Variants in WTAP observed in about 807,000 individuals in gnomAD.
WTAP encodes the protein WT1 associated protein, also known as pre-mRNA-splicing regulator WTAP.
WTAP carries 8 observed loss-of-function variants against 50.0 expected under a neutral mutation model. The observed-to-expected ratio is 0.16, with a 90% confidence interval of 0.09 to 0.29. WTAP has a LOEUF of 0.29. Ranked by LOEUF, WTAP falls within the 10% of genes least tolerant of loss-of-function variation. WTAP has a pLI of 1.00. For synonymous variants in WTAP, 194 were observed against 169.0 expected, an observed-to-expected ratio of 1.15 and a Z score of -1.15; for missense variants, 295 against 470.7, an observed-to-expected ratio of 0.63 and a Z score of 3.45.
rs559907022 is a variant in WTAP, at chr6:159,751,920, G to C, written c.453-1540G>C. ...CTACTAAAAATCCAAAATTAGCTGG[G>C]GGTGCTCGTGCACACCTATAGTCCC... On this transcript the variant is annotated intron_variant, in intron 6 of 7. Coordinates refer to ENST00000621533, the MANE Select transcript of WTAP (RefSeq NM_001270531.2). Among the ~76,000 whole-genome samples the C allele has an allele frequency of 1.7e-4, 26 of 152,042 alleles. No homozygotes were observed. The East Asian group carries it at 1.9e-3, about 11-fold the overall frequency.
intron 5 of WTAP, among the ~76,000 whole-genome samples, chr6:159,745,619 A>G (rs1391309773): frequency 6.6e-6 from 1 of 152,156 alleles, no homozygotes; most frequent in Non-Finnish European, 1.5e-5. Flanking sequence ...GTGAAAAAAG[A>G]TGAGGTCAGC....
chr6:159,755,627 T>C lies in WTAP; in HGVS notation c.*16T>C, dbSNP rs775298417. ...AGTTTTGTAATATTTTTTCAGCAAA[T>C]TTTTATACAGTGTCATTTAATTTGG... On this transcript the variant is annotated 3_prime_UTR_variant, in exon 8 of 8. Transcript: ENST00000621533. 3.2e-6 allele frequency: 5 copies of C among 1,570,636 alleles called. No individual in the cohort carries two copies. Among genetic ancestry groups the C allele is most frequent in the Middle Eastern group, 3.4e-4 (2 of 5,818 alleles).
At chr6:159,749,716 A>G (rs1779753970) in intron 6 of WTAP, among the ~76,000 whole-genome samples, 1 of 152,190 alleles carries the variant, frequency 6.6e-6, no homozygotes, top group African/African-American at 2.4e-5. Flanking sequence ...ATGTGTTGGA[A>G]CTGTGGGCTG....
chr6:159,743,061 TG>T (rs1278394418), intron 4 of WTAP, among the ~76,000 whole-genome samples: 2 of 152,370 alleles, frequency 1.3e-5, no homozygotes, highest in Non-Finnish European at 2.9e-5. Context: ...TTTATTTGTT[TG>T]TTTGAGACAG....
Position 159,755,698 on chromosome 6 carries a change from T to TG in WTAP, c.*88dup, listed in dbSNP as rs1779976777. The TG allele has an allele frequency of 1.5e-6, 2 of 1,309,888 alleles. No individual in the cohort carries two copies. Among genetic ancestry groups the TG allele is most frequent in the Non-Finnish European group, 1.9e-6 (2 of 1,031,246 alleles). The allele number at this position is 1,309,888 out of a possible 1,614,324, so 81.1% of individuals were successfully genotyped here. A position where few individuals can be genotyped will look rare whatever the true frequency, so the allele number is the denominator to read the frequency against. On this transcript the variant is annotated 3_prime_UTR_variant, in exon 8 of 8. Coordinates refer to ENST00000621533, the MANE Select transcript of WTAP (RefSeq NM_001270531.2). ...ATTAATGCATACTTTTGTCACAATT[T>TG]GCCTTTTTGTGGGTGTACGTTTTGG...
At chr6:159,750,797 T>C (rs1307281082) in intron 6 of WTAP, among the ~76,000 whole-genome samples, 1 of 152,224 alleles carries the variant, frequency 6.6e-6, no homozygotes, top group East Asian at 1.9e-4. Context: ...GTATATCAGG[T>C]ACTATAAATA....
chr6:159,754,919 T>G, intron 7 of WTAP, 109 bp from the exon 8 acceptor site: 1 of 1,157,700 alleles, frequency 8.6e-7, no homozygotes, highest in Non-Finnish European at 1.2e-6. Flanking sequence ...TAGAATTGTA[T>G]TTGTTTACTT....
chr6:159,726,779 C>T (rs1289056475), upstream of WTAP: 3 of 1,288,902 alleles, frequency 2.3e-6, no homozygotes, highest in East Asian at 1.7e-4. Flanking sequence ...GAGGAACGAA[C>T]CCAGCGGCCA....
chr6:159,740,148 AT>A (rs957227777), intron 3 of WTAP, among the ~76,000 whole-genome samples: 6 of 146,838 alleles, frequency 4.1e-5, no homozygotes, highest in African/African-American at 5.0e-5. Flanking sequence ...CCTGGCCATG[AT>A]TTTTTTTTTC....
intron 7 of WTAP, among the ~76,000 whole-genome samples, chr6:159,754,270 C>T (rs1028311242): frequency 6.6e-6 from 1 of 152,178 alleles, no homozygotes; most frequent in Admixed American, 6.5e-5. Context: ...TCAAAATCTT[C>T]AGGAATTATT....
chr6:159,738,068 C>T (rs1273636782), intron 2 of WTAP, among the ~76,000 whole-genome samples: 2 of 152,194 alleles, frequency 1.3e-5, no homozygotes, highest in African/African-American at 4.8e-5. Context: ...GTACAATCCA[C>T]AGAGCTTATT....
rs77418684 is a variant in WTAP, at chr6:159,738,259, C to T, written c.31-731C>T. Among the ~76,000 whole-genome samples the T allele has an allele frequency of 5.2e-3, 788 of 152,338 alleles. 5 individuals are homozygous for T. The highest frequency in any genetic ancestry group is 0.018 in the African/African-American group (746 of 41,572). On this transcript the variant is annotated intron_variant, in intron 2 of 7. Coordinates refer to ENST00000621533, the MANE Select transcript of WTAP (RefSeq NM_001270531.2). ...CTACCCCGTCCCTCTCCATGCCTGA[C>T]CCCTGGCAACCACTAATTTATCTCC... is the stretch of plus-strand genomic sequence containing the variant.
chr6:159,738,289 G>C (rs1358049702), intron 2 of WTAP, among the ~76,000 whole-genome samples: 1 of 152,130 alleles, frequency 6.6e-6, no homozygotes, highest in Non-Finnish European at 1.5e-5. Context: ...ATCTCCATTT[G>C]TATAATTGTT....
At chr6:159,730,459 C>G (rs934267196) in intron 1 of WTAP, among the ~76,000 whole-genome samples, 1 of 151,838 alleles carries the variant, frequency 6.6e-6, no homozygotes, top group Non-Finnish European at 1.5e-5. Flanking sequence ...AAAAAATTGC[C>G]CTGGGGAATA....
intron 1 of WTAP, among the ~76,000 whole-genome samples, chr6:159,728,613 C>G (rs901538674): frequency 6.6e-6 from 1 of 152,104 alleles, no homozygotes; most frequent in African/African-American, 2.4e-5. Flanking sequence ...ATTAAGTTTT[C>G]TACGATAGAT....
chr6:159,752,138 T>C (rs1009807612), intron 6 of WTAP, among the ~76,000 whole-genome samples: 2 of 151,722 alleles, frequency 1.3e-5, no homozygotes, highest in African/African-American at 4.8e-5. Flanking sequence ...TACAAAATGC[T>C]CTCATTTTTA....
upstream of WTAP, chr6:159,727,386 G>T: frequency 8.2e-7 from 1 of 1,213,376 alleles, no homozygotes; most frequent in Non-Finnish European, 1.1e-6. Flanking sequence ...GCGGGAGGCG[G>T]GAGGCGGGAG....
intron 5 of WTAP, among the ~76,000 whole-genome samples, chr6:159,745,874 C>T (rs1779546303): frequency 6.6e-6 from 1 of 152,024 alleles, no homozygotes; most frequent in Non-Finnish European, 1.5e-5. Flanking sequence ...GTTTTGGAGG[C>T]ACAATCAATA....
At chr6:159,727,133 C>T (rs1290200623), upstream of WTAP, 2 of 1,195,430 alleles carry the variant, frequency 1.7e-6, no homozygotes, top group Non-Finnish European at 1.1e-6. Context: ...CCTTACTGAG[C>T]TTGCTGAGCT....
Sources: allele counts gnomAD v4.1 joint callset (sites outside exome capture counted in the v4.1 genomes callset), GRCh38; gene constraint gnomAD v4.1.1; transcripts MANE v1.5; gene names NCBI Gene and HGNC (gene_info 2026-07-23, HGNC 2026-07-21).